FGF14: variants seen among roughly 807,000 people sequenced by gnomAD.
FGF14 encodes the protein fibroblast growth factor homologous factor 4.
A neutral mutation model predicts 25.5 loss-of-function variants in FGF14; 5 were observed. The ratio of observed to expected loss-of-function variants is 0.20; its 90% CI spans 0.10 to 0.41. The LOEUF is 0.41. FGF14 is among the 10% of genes least tolerant of loss of function. The pLI is 1.00. For missense variants in FGF14, 222 were observed against 320.1 expected (o/e 0.69, Z 2.34); for synonymous variants, 138 against 118.3 (o/e 1.17, Z -1.08).
intron 1 of FGF14, among the ~76,000 whole-genome samples, chr13:101,957,394 A>G (rs1459428715): frequency 6.6e-6 from 1 of 152,232 alleles, no homozygotes; most frequent in Non-Finnish European, 1.5e-5. Flanking sequence ...AAGAAAATAC[A>G]GAACCTTAGG....
chr13:102,248,479 A>T (rs555086465), intron 1 of FGF14, among the ~76,000 whole-genome samples: 1 of 152,296 alleles, frequency 6.6e-6, no homozygotes, highest in African/African-American at 2.4e-5. Flanking sequence ...TCAAGATTCC[A>T]GTAAGAGCAG....
intron 1 of FGF14, among the ~76,000 whole-genome samples, chr13:101,925,849 C>G (rs1016383682): frequency 6.6e-6 from 1 of 152,190 alleles, no homozygotes; most frequent in African/African-American, 2.4e-5. Context: ...GTCATGATGT[C>G]TGCAGAGCCT....
chr13:101,762,392 A>G (rs879256547), intron 3 of FGF14, among the ~76,000 whole-genome samples: 5 of 152,182 alleles, frequency 3.3e-5, no homozygotes, highest in Non-Finnish European at 7.4e-5. Context: ...TAAACAAGAA[A>G]CTCACACATT....
At chr13:102,328,780 G>A (rs2056543336) in intron 1 of FGF14, among the ~76,000 whole-genome samples, 1 of 152,166 alleles carries the variant, frequency 6.6e-6, no homozygotes, top group Non-Finnish European at 1.5e-5. Context: ...AATAAATGGA[G>A]CCCTAACACT....
At chr13:101,918,460 G>C (rs1410000597), upstream of FGF14, among the ~76,000 whole-genome samples, 2 of 152,196 alleles carry the variant, frequency 1.3e-5, no homozygotes, top group Admixed American at 1.3e-4. Context: ...CAAGAGACTT[G>C]CAACAACCTT....
intron 3 of FGF14, among the ~76,000 whole-genome samples, chr13:101,765,101 A>G (rs766916418): frequency 6.6e-6 from 1 of 152,212 alleles, no homozygotes; most frequent in Admixed American, 6.5e-5. Context: ...TTTATATGAA[A>G]GCAATATCAA....
intron 4 of FGF14, 164 bp from the exon 5 acceptor site, chr13:101,723,131 C>T: frequency 2.5e-6 from 2 of 800,080 alleles, no homozygotes; most frequent in South Asian, 3.0e-5. Flanking sequence ...CAATCATTTC[C>T]AGCCCACAGA....
At chr13:102,056,873 TC>T (rs1053072631) in intron 1 of FGF14, among the ~76,000 whole-genome samples, 2 of 150,536 alleles carry the variant, frequency 1.3e-5, no homozygotes, top group Non-Finnish European at 3.0e-5. Flanking sequence ...ACTAGTATTC[TC>T]CCTTTTATTG....
At chr13:102,347,434 T>G (rs1594911630) in intron 1 of FGF14, among the ~76,000 whole-genome samples, 1 of 151,960 alleles carries the variant, frequency 6.6e-6, no homozygotes, top group Non-Finnish European at 1.5e-5. Flanking sequence ...CCTGAGATGG[T>G]GAGGTGGATG....
intron 1 of FGF14, among the ~76,000 whole-genome samples, chr13:102,154,045 TGA>T (rs1475897426): frequency 6.6e-6 from 1 of 152,216 alleles, no homozygotes; most frequent in African/African-American, 2.4e-5. Context: ...TCAGTATCTC[TGA>T]GTTTAGCTCG....
chr13:102,140,550 G>A (rs1456371986), intron 1 of FGF14, among the ~76,000 whole-genome samples: 1 of 152,174 alleles, frequency 6.6e-6, no homozygotes, highest in Non-Finnish European at 1.5e-5. Context: ...GAAGTCCAGT[G>A]TGCATGTGAT....
chr13:102,205,557 G>A (rs1246063446), intron 1 of FGF14, among the ~76,000 whole-genome samples: 1 of 151,938 alleles, frequency 6.6e-6, no homozygotes, highest in Non-Finnish European at 1.5e-5. Flanking sequence ...TTGCCTTCAA[G>A]GGTCAGAGGG....
intron 1 of FGF14, among the ~76,000 whole-genome samples, chr13:102,321,448 G>C (rs1166750749): frequency 2.6e-5 from 4 of 152,036 alleles, no homozygotes; most frequent in African/African-American, 9.7e-5. Flanking sequence ...AAATGAATTT[G>C]AAACATAATG....
chr13:101,880,083 T>G (rs946912804), intron 1 of FGF14, among the ~76,000 whole-genome samples: 7 of 152,134 alleles, frequency 4.6e-5, no homozygotes, highest in Non-Finnish European at 1.0e-4. Flanking sequence ...CAATGCTACC[T>G]CGAGAACCCC....
chr13:101,921,044 C>T (rs962027893), upstream of FGF14, among the ~76,000 whole-genome samples: 3 of 146,154 alleles, frequency 2.1e-5, no homozygotes, highest in Non-Finnish European at 4.4e-5. Flanking sequence ...TTCTATTGCC[C>T]TATCCTCACA....
chr13:102,122,640 A>G (rs528627), intron 1 of FGF14, among the ~76,000 whole-genome samples: 4,122 of 152,238 alleles, frequency 0.027, 183 homozygotes, highest in African/African-American at 0.094. Context: ...AAGCATTTTG[A>G]TTTTAATAGA....
chr13:101,892,801 C>A (rs946933984), intron 1 of FGF14, among the ~76,000 whole-genome samples: 1 of 152,156 alleles, frequency 6.6e-6, no homozygotes, highest in African/African-American at 2.4e-5. Flanking sequence ...AATAACAGCA[C>A]AGGATGCTGT....
intron 1 of FGF14, among the ~76,000 whole-genome samples, chr13:101,991,227 A>ATTGGG (rs1232401415): frequency 6.6e-6 from 1 of 152,148 alleles, no homozygotes; most frequent in African/African-American, 2.4e-5. Flanking sequence ...AAAATACTGA[A>ATTGGG]TTGGGTAACA....
At chr13:101,758,390 G>A (rs1385722689) in intron 3 of FGF14, among the ~76,000 whole-genome samples, 2 of 152,206 alleles carry the variant, frequency 1.3e-5, no homozygotes, top group African/African-American at 2.4e-5. Context: ...TGATGCTGAT[G>A]CTGTTTGTCT....
Sources: allele counts gnomAD v4.1 joint callset (sites outside exome capture counted in the v4.1 genomes callset), GRCh38; gene constraint gnomAD v4.1.1; transcripts MANE v1.5; gene names NCBI Gene and HGNC (gene_info 2026-07-23, HGNC 2026-07-21).